IL4I1: variants seen among roughly 807,000 people sequenced by gnomAD.
IL4I1 encodes the protein interleukin 4 induced 1.
Under a neutral mutation model 29.7 loss-of-function variants are expected in IL4I1, and 24 were observed. The observed-to-expected ratio is 0.81, with a 90% CI of 0.59 to 1.14. The LOEUF is 1.14. IL4I1 is among the 50% of genes most tolerant of loss of function. The probability of loss-of-function intolerance (pLI) is 0.00; values close to 1 mark genes in which losing one functional copy is unlikely to be tolerated. For missense variants in IL4I1, 686 were observed against 785.6 expected, an observed-to-expected ratio of 0.87 and a Z score of 1.52; for synonymous variants, 371 against 352.5, an observed-to-expected ratio of 1.05 and a Z score of -0.59.
chr19:49,927,365 A>T lies in IL4I1; in HGVS notation c.-228+329T>A, dbSNP rs553961805. On this transcript the variant is annotated intron_variant, in intron 2 of 9. Coordinates refer to the IL4I1 transcript ENST00000341114. ...AGAATTGTCTTAGGCCACACATAAC[A>T]TACACTATTGATAGCTGATGAACTT... Among the ~76,000 whole-genome samples, 5 of 152,236 alleles carry T rather than the reference A, an allele frequency of 3.3e-5. No homozygotes were observed. The East Asian group carries it at 9.6e-4, about 29-fold the overall frequency.
At chr19:49,913,849 G>A (rs1055532009) in intron 2 of IL4I1, among the ~76,000 whole-genome samples, 2 of 152,114 alleles carry the variant, frequency 1.3e-5, no homozygotes, top group East Asian at 1.9e-4. Flanking sequence ...CTAACGGTTC[G>A]GGCGTTATAT....
At chr19:49,902,438 C>A (rs2075279652) in intron 3 of IL4I1, among the ~76,000 whole-genome samples, 1 of 150,256 alleles carries the variant, frequency 6.7e-6, no homozygotes, top group South Asian at 2.1e-4. Flanking sequence ...CGGCTCACTG[C>A]AAGCTCCGGA....
At position 49,895,911 on chromosome 19, in the gene IL4I1, C is replaced by T; in HGVS notation, c.156G>A (p.Gly52=). ...TCTGGGGCTTCAGGGTCCGATTGAG[C>T]CCCCAGGTCACCACCTTGAGCAGCT... ...YEQLLKVVTW[G]LNRTLKPQRV... Residue 52 remains glycine (G), a synonymous_variant, in exon 3 of 8, where the codon GGG becomes GGA. Transcript: ENST00000391826. 1 of 1,614,186 alleles carries T rather than the reference C, an allele frequency of 6.2e-7. No individual in the cohort carries two copies.
At chr19:49,911,353 G>T (rs2075457594) in intron 2 of IL4I1, 1 of 152,214 alleles carries the variant, frequency 6.6e-6, no homozygotes. Flanking sequence ...GCTGGAAATG[G>T]AAAGAGGGAG....
In IL4I1 at chr19:49,896,824, C is replaced by A; in HGVS notation, c.-23+11G>T. On this transcript the variant is annotated intron_variant, in intron 1 of 7. Coordinates refer to ENST00000391826, the MANE Select transcript of IL4I1 (RefSeq NM_152899.2). ...GTCTCTCTGTCCCCCCACCACTGGC[C>A]GTGTCACTACCTCCAGCTCTTGGTG... 2 of 986,596 alleles carry A rather than the reference C, an allele frequency of 2.0e-6. No individual in the cohort carries two copies. The highest frequency in any genetic ancestry group is 4.7e-5 in the South Asian group (1 of 21,300). 61.1% of individuals were successfully genotyped at this position (986,596 alleles called of 1,614,324 possible).
At chr19:49,919,893 T>C (rs1420516751) in intron 2 of IL4I1, among the ~76,000 whole-genome samples, 3 of 152,204 alleles carry the variant, frequency 2.0e-5, no homozygotes, top group African/African-American at 2.4e-5. Context: ...ACTCTTGTAT[T>C]GAAAGTTTTT....
At chr19:49,906,503 C>T (rs977953557) in intron 2 of IL4I1, among the ~76,000 whole-genome samples, 4 of 152,308 alleles carry the variant, frequency 2.6e-5, no homozygotes, top group South Asian at 2.1e-4. Flanking sequence ...TGAGCCACCT[C>T]GCCCAGCCAT....
Position 49,890,522 on chromosome 19 carries a change from G to A in IL4I1, c.852C>T (p.Asn284=), listed in dbSNP as rs1348695433. 1.2e-6 allele frequency: 2 copies of A among 1,609,314 alleles called. No homozygotes were observed. The highest frequency in any genetic ancestry group is 1.1e-5 in the South Asian group (1 of 91,016). ...CCTGGGTCATCGCCACCACGGGCGCGTTCAACAGCACAAGCCCGGACAGCG... is the reference window on the plus strand; with the variant it reads ...CCTGGGTCATCGCCACCACGGGCGCATTCAACAGCACAAGCCCGGACAGCG... The part of the protein sequence containing the change: ...LSSLSGLVLL[N]APVVAMTQGP... Residue 284 remains asparagine (N), a synonymous_variant, in exon 8 of 8, where the codon AAC becomes AAT. Transcript: ENST00000391826.
In IL4I1 at chr19:49,896,877, T is replaced by C. The variant is rs1361589230; in HGVS notation, c.-65A>G. ...AGCAGGACAGCGCGGTCCTCTCCAC[T>C]GCCCTCCACTGTCTCTGCTGTGGCC... On this transcript the variant is annotated 5_prime_UTR_variant, in exon 1 of 8. Transcript: ENST00000391826. 2.0e-6 allele frequency: 2 copies of C among 985,482 alleles called. No homozygotes were observed. Among genetic ancestry groups the C allele is most frequent in the Non-Finnish European group, 2.4e-6 (2 of 830,024 alleles). 61.0% of individuals were successfully genotyped at this position (985,482 alleles called of 1,614,324 possible). A position where few individuals can be genotyped will look rare whatever the true frequency, so the allele number is the denominator to read the frequency against.
chr19:49,910,030 A>T, intron 2 of IL4I1: 1 of 623,532 alleles, frequency 1.6e-6, no homozygotes, highest in South Asian at 1.8e-5. Context: ...TACATCGAGA[A>T]GGATCCAGAA....
intron 2 of IL4I1, chr19:49,904,360 C>T (rs547372701): frequency 3.3e-5 from 5 of 152,104 alleles, no homozygotes; most frequent in Middle Eastern, 3.2e-3. Flanking sequence ...AGCCATCACC[C>T]GCGGTGGCAC....
chr19:49,928,050 G>A (rs2075949391), intron 1 of IL4I1: 1 of 152,302 alleles, frequency 6.6e-6, no homozygotes, highest in Non-Finnish European at 1.5e-5. Flanking sequence ...CCCTGCCAGG[G>A]GATGGGGCCT....
At chr19:49,908,047 G>T (rs1458464204) in intron 2 of IL4I1, 5 of 1,251,724 alleles carry the variant, frequency 4.0e-6, no homozygotes, top group Middle Eastern at 2.8e-4. Context: ...TGAGGCTGCT[G>T]CCTGGGCAGA....
chr19:49,898,744 C>T (rs1043650708), upstream of IL4I1, among the ~76,000 whole-genome samples: 4 of 152,168 alleles, frequency 2.6e-5, no homozygotes, highest in Non-Finnish European at 5.9e-5. Context: ...TGGTGCACAC[C>T]TGTAATCCCA....
At chr19:49,929,383 C>T (rs1286386360) in exon 1 of IL4I1, 1 of 154,184 alleles carries the variant, frequency 6.5e-6, no homozygotes, top group African/African-American at 2.4e-5. Context: ...CGCCGCCTCT[C>T]CTTGCTGCAG....
chr19:49,895,449 G>A (rs750079193), intron 3 of IL4I1, among the ~76,000 whole-genome samples: 9 of 152,194 alleles, frequency 5.9e-5, no homozygotes, highest in African/African-American at 9.7e-5. Flanking sequence ...GAAGCCCCTG[G>A]GCTGGCCCAT....
At chr19:49,908,505 T>C (rs1219920087) in intron 2 of IL4I1, 2 of 1,614,116 alleles carry the variant, frequency 1.2e-6, no homozygotes, top group Non-Finnish European at 1.7e-6. Context: ...TCAGCCAGCT[T>C]GTAGGTTTTC....
chr19:49,926,933 G>A (rs1175393653), intron 2 of IL4I1, among the ~76,000 whole-genome samples: 1 of 149,346 alleles, frequency 6.7e-6, no homozygotes, highest in Non-Finnish European at 1.5e-5. Context: ...TCGGCTTACT[G>A]CAACCTCCGC....
upstream of IL4I1, among the ~76,000 whole-genome samples, chr19:49,898,129 T>G (rs527305714): frequency 2.6e-5 from 4 of 152,186 alleles, no homozygotes; most frequent in Admixed American, 6.5e-5. Context: ...AAGACCAGCC[T>G]GGCCAACATG....
Sources: gnomAD v4.1 joint callset for allele counts (sites outside exome capture counted in the v4.1 genomes callset) on GRCh38, gnomAD v4.1.1 for gene constraint, MANE v1.5 for transcripts, NCBI Gene and HGNC (gene_info 2026-07-23, HGNC 2026-07-21) for gene names.